CHST3: variants seen among roughly 807,000 people sequenced by gnomAD.
CHST3 encodes carbohydrate sulfotransferase 3.
A neutral mutation model predicts 35.4 loss-of-function variants in CHST3; 20 were observed. That is an observed-to-expected ratio of 0.57 (90% CI 0.40 to 0.82). The LOEUF (loss-of-function observed/expected upper bound fraction) is 0.82, where lower values mean the gene tolerates loss of function less well. Ranked by LOEUF, CHST3 falls within the 40% of genes least tolerant of loss-of-function variation. The probability of loss-of-function intolerance (pLI) is 0.00; values close to 1 mark genes in which losing one functional copy is unlikely to be tolerated. For missense variants in CHST3, 693 were observed against 670.1 expected, an observed-to-expected ratio of 1.03 and a Z score of -0.38; for synonymous variants, 334 against 295.9, an observed-to-expected ratio of 1.13 and a Z score of -1.32.
At chr10:71,992,485 A>G (rs560521191) in intron 1 of CHST3, among the ~76,000 whole-genome samples, 6 of 151,888 alleles carry the variant, frequency 4.0e-5, no homozygotes, top group African/African-American at 7.2e-5. Context: ...CCCAGCCACA[A>G]TTTCTTAAAA....
chr10:71,966,264 A>G (rs1030356343), intron 1 of CHST3, among the ~76,000 whole-genome samples: 1 of 152,094 alleles, frequency 6.6e-6, no homozygotes. Context: ...TGAAGGGTCT[A>G]GGAGCTGTGT....
chr10:72,004,838 G>A (rs775802822), intron 1 of CHST3, among the ~76,000 whole-genome samples: 9 of 152,166 alleles, frequency 5.9e-5, no homozygotes, highest in Non-Finnish European at 8.8e-5. Flanking sequence ...GGTTACAGAT[G>A]AGCAGTGGGG....
At position 72,005,831 on chromosome 10, in the gene CHST3, C is replaced by T; in HGVS notation, c.-12C>T. 6 of 1,614,198 alleles carry T rather than the reference C, an allele frequency of 3.7e-6. No individual in the cohort carries two copies. The highest frequency in any genetic ancestry group is 1.3e-5 in the African/African-American group (1 of 75,056). ...GCTGGCCCGAGGAGCCCCCACGGCCCCACCTTTCCCCATGGAGAAAGGACT... is the reference window on the plus strand; with the variant it reads ...GCTGGCCCGAGGAGCCCCCACGGCCTCACCTTTCCCCATGGAGAAAGGACT... On this transcript the variant is annotated 5_prime_UTR_variant, in exon 2 of 3. Coordinates refer to ENST00000373115, the MANE Select transcript of CHST3 (RefSeq NM_004273.5).
intron 1 of CHST3, among the ~76,000 whole-genome samples, chr10:71,996,689 A>G (rs1044526551): frequency 2.6e-5 from 4 of 152,174 alleles, no homozygotes; most frequent in Non-Finnish European, 4.4e-5. Context: ...GCCAGCCTAC[A>G]GGAAACAACA....
Position 72,012,361 on chromosome 10 carries a change from C to CCTA in CHST3, c.*3890_*3891insCTA, listed in dbSNP as rs1840120223. 6.6e-6 allele frequency: 1 copy of CCTA among 152,230 alleles called. No homozygotes were observed. Among genetic ancestry groups the CCTA allele is most frequent in the Non-Finnish European group, 1.5e-5 (1 of 68,078 alleles). 9.4% of individuals were successfully genotyped at this position (152,230 alleles called of 1,614,324 possible). The stretch of plus-strand genomic sequence containing the variant: ...CTCTCCTATACTAGGGCCTATTGAC[C>CCTA]GTAGAGGCCAGGTGCGGTGGCTCAT... On this transcript the variant is annotated 3_prime_UTR_variant, in exon 3 of 3. Coordinates refer to ENST00000373115, the MANE Select transcript of CHST3 (RefSeq NM_004273.5).
rs963381667 is a variant in CHST3, at chr10:72,011,733, T to C, written c.*3262T>C. The C allele has an allele frequency of 5.3e-5, 8 of 152,252 alleles. No individual in the cohort carries two copies. Among genetic ancestry groups the C allele is most frequent in the African/African-American group, 1.7e-4 (7 of 41,458 alleles). 9.4% of individuals were successfully genotyped at this position (152,252 alleles called of 1,614,324 possible). A position where few individuals can be genotyped will look rare whatever the true frequency, so the allele number is the denominator to read the frequency against. On this transcript the variant is annotated 3_prime_UTR_variant, in exon 3 of 3. Transcript: ENST00000373115. Reference sequence around the variant, plus strand: ...AGTTCTGCGGCCCAGCATATAGAAATGGCTCAGAACGTTCCAGGCCTTGGT... The same window carrying C: ...AGTTCTGCGGCCCAGCATATAGAAACGGCTCAGAACGTTCCAGGCCTTGGT...
chr10:72,001,365 C>A lies in CHST3; in HGVS notation c.-107-4371C>A, dbSNP rs191251730. On this transcript the variant is annotated intron_variant, in intron 1 of 2. Transcript: ENST00000373115. ...CTGGCATACTTCCTGTTGGCCCTGG[C>A]ACCCTGCAAAGAGGCCCCCAGTGGG... Among the ~76,000 whole-genome samples, 780 of 152,330 alleles carry A rather than the reference C, an allele frequency of 5.1e-3. 2 individuals carry two copies. Among genetic ancestry groups the A allele is most frequent in the Middle Eastern group, 0.01 (3 of 294 alleles).
Position 72,007,708 on chromosome 10 carries a change from G to A in CHST3, c.677G>A (p.Arg226His). The change falls in exon 3 of 3, where the codon CGC becomes CAC. Residue 226 changes from arginine (R) to histidine (H), a missense_variant. By Grantham distance (29) the Arg-to-His change is conservative. Transcript: ENST00000373115. ...TTCATGTTCCGCCGGGGCTCCAGCC[G>A]CTCCCTGTGCGAGGACCCCGTCTGT... ...TQFMFRRGSSRSLCEDPVCTP... is the reference protein window; with the variant it reads ...TQFMFRRGSSHSLCEDPVCTP... The A allele has an allele frequency of 3.1e-6, 5 of 1,606,348 alleles. No individual in the cohort carries two copies. The South Asian group carries it at 3.3e-5, about 11-fold the overall frequency.
At chr10:72,006,557 A>G (rs1840040281) in intron 2 of CHST3, among the ~76,000 whole-genome samples, 1 of 152,238 alleles carries the variant, frequency 6.6e-6, no homozygotes, top group Non-Finnish European at 1.5e-5. Flanking sequence ...CTCCAGGGGC[A>G]TGTCCCTCAA....
At chr10:71,973,407 A>T (rs893700342) in intron 1 of CHST3, among the ~76,000 whole-genome samples, 23 of 152,314 alleles carry the variant, frequency 1.5e-4, no homozygotes, top group African/African-American at 4.8e-4. Context: ...GCCATTCAAC[A>T]GCCCCAGGGT....
Position 72,007,872 on chromosome 10 carries a change from G to C in CHST3, c.841G>C (p.Glu281Gln), listed in dbSNP as rs1220584098. 1.3e-6 allele frequency: 2 copies of C among 1,597,856 alleles called. No homozygotes were observed. Among genetic ancestry groups the C allele is most frequent in the African/African-American group, 1.3e-5 (1 of 74,764 alleles). The change falls in exon 3 of 3, where the codon GAG (glutamate) becomes CAG (glutamine). Residue 281 changes from glutamate to glutamine, a missense_variant. Transcript: ENST00000373115. ...CAAGGCGGTGCGCATCCGGCAGCTG[G>C]AGTTCCTGCAGCCGCTGGCCGAGGA... is the stretch of plus-strand genomic sequence containing the variant. ...ALKAVRIRQLEFLQPLAEDPR... is the reference protein window; with the variant it reads ...ALKAVRIRQLQFLQPLAEDPR...
chr10:71,987,187 G>A (rs555654933), intron 1 of CHST3, among the ~76,000 whole-genome samples: 7 of 152,070 alleles, frequency 4.6e-5, no homozygotes, highest in Non-Finnish European at 8.8e-5. Flanking sequence ...CAAGACCCCT[G>A]TGGCCCCTCT....
intron 1 of CHST3, among the ~76,000 whole-genome samples, chr10:71,993,996 A>C (rs1233187972): frequency 1.3e-5 from 2 of 152,180 alleles, no homozygotes; most frequent in Non-Finnish European, 2.9e-5. Flanking sequence ...GCTACTTGGG[A>C]GGCTGAGGCA....
intron 1 of CHST3, among the ~76,000 whole-genome samples, chr10:71,970,501 T>TA (rs1190005882): frequency 3.3e-5 from 5 of 152,064 alleles, no homozygotes; most frequent in African/African-American, 1.2e-4. Context: ...CCCCGCCCAG[T>TA]CCCTCCTCCT....
chr10:71,986,613 C>A (rs998182894), intron 1 of CHST3, among the ~76,000 whole-genome samples: 1 of 152,238 alleles, frequency 6.6e-6, no homozygotes, highest in Non-Finnish European at 1.5e-5. Context: ...TCCAGGTGTG[C>A]CCAGGCCCGA....
chr10:71,969,189 A>G (rs1191687897), intron 1 of CHST3, among the ~76,000 whole-genome samples: 1 of 152,142 alleles, frequency 6.6e-6, no homozygotes, highest in Non-Finnish European at 1.5e-5. Context: ...TGATAACCAC[A>G]CGCTCATCTG....
Position 72,007,296 on chromosome 10 carries a change from C to G in CHST3, c.265C>G (p.Gln89Glu), listed in dbSNP as rs1453302947. Residue 89 changes from glutamine (Q) to glutamate (E), a missense_variant, in exon 3 of 3, where the codon CAG becomes GAG. By Grantham distance (29) the Gln-to-Glu change is conservative (BLOSUM62 2). Coordinates refer to ENST00000373115, the MANE Select transcript of CHST3 (RefSeq NM_004273.5). ...GAGCGAGCTCGATTCAGCCTTCTCC[C>G]AGCTTCAGAGCCGTCTCCGCAACCT... is the stretch of plus-strand genomic sequence containing the variant. ...SLSELDSAFS[Q>E]LQSRLRNLSL... The G allele has an allele frequency of 1.9e-6, 3 of 1,613,610 alleles. No individual in the cohort carries two copies. In the Admixed American group the frequency reaches 5.0e-5, roughly 27 times the overall value.
At chr10:71,975,116 G>T (rs1384225084) in intron 1 of CHST3, among the ~76,000 whole-genome samples, 1 of 152,224 alleles carries the variant, frequency 6.6e-6, no homozygotes, top group African/African-American at 2.4e-5. Context: ...CCAGCACTAT[G>T]CCATGACCTA....
At chr10:71,974,758 G>A (rs1839729340) in intron 1 of CHST3, among the ~76,000 whole-genome samples, 1 of 152,090 alleles carries the variant, frequency 6.6e-6, no homozygotes. Flanking sequence ...TCCTGCAAGG[G>A]GACCCGCACA....
Sources: gnomAD v4.1 joint callset for allele counts (sites outside exome capture counted in the v4.1 genomes callset) on GRCh38, gnomAD v4.1.1 for gene constraint, MANE v1.5 for transcripts, NCBI Gene and HGNC (gene_info 2026-07-23, HGNC 2026-07-21) for gene names.